Variants in PCDH15 observed in about 807,000 individuals in gnomAD.
The protein encoded by PCDH15 is protocadherin-15.
In PCDH15, 129 loss-of-function variants were observed where a neutral mutation model predicts 178.5. That is an observed-to-expected ratio of 0.72 (90% CI 0.63 to 0.84). The LOEUF is 0.84. Ranked by LOEUF, PCDH15 falls within the 40% of genes least tolerant of loss-of-function variation. The probability of loss-of-function intolerance (pLI) is 0.00; values close to 1 mark genes in which losing one functional copy is unlikely to be tolerated. For synonymous variants in PCDH15, 800 were observed against 732.0 expected, an observed-to-expected ratio of 1.09 and a Z score of -1.50; for missense variants, 2,230 against 2,099.9, an observed-to-expected ratio of 1.06 and a Z score of -1.21.
chr10:54,259,299 G>A (rs539950321), intron 8 of PCDH15, among the ~76,000 whole-genome samples: 68 of 152,278 alleles, frequency 4.5e-4, no homozygotes, highest in African/African-American at 1.6e-3. Flanking sequence ...ACCGGCCCCT[G>A]TCTGGGGTCA....
chr10:53,823,180 G>GAAATGTGAATTTTCTTGCAGACTTCA, intron 32 of PCDH15: 1 of 1,614,026 alleles, frequency 6.2e-7, no homozygotes, highest in Non-Finnish European at 8.5e-7. Flanking sequence ...TCATCAGATA[G>GAAATGTGAATTTTCTTGCAGACTTCA]AAATGTGAAT....
intron 2 of PCDH15, among the ~76,000 whole-genome samples, chr10:54,648,968 T>A (rs895741286): frequency 5.3e-5 from 8 of 152,138 alleles, no homozygotes; most frequent in African/African-American, 9.7e-5. Flanking sequence ...ACAGATCTCA[T>A]CAGTATTCCA....
At chr10:54,740,629 C>T (rs1944667262) in intron 1 of PCDH15, among the ~76,000 whole-genome samples, 1 of 151,876 alleles carries the variant, frequency 6.6e-6, no homozygotes, top group African/African-American at 2.4e-5. Flanking sequence ...AATCTACGTC[C>T]ATCAGCAAAT....
intron 3 of PCDH15, among the ~76,000 whole-genome samples, chr10:54,893,376 G>T (rs1954496826): frequency 6.6e-6 from 1 of 151,966 alleles, no homozygotes; most frequent in Non-Finnish European, 1.5e-5. Flanking sequence ...TTAAGCATTT[G>T]CTAAGTGCCA....
intron 1 of PCDH15, among the ~76,000 whole-genome samples, chr10:55,298,119 A>AT (rs2132274994): frequency 6.6e-6 from 1 of 152,336 alleles, no homozygotes; most frequent in South Asian, 2.1e-4. Flanking sequence ...ATGGGAAAAG[A>AT]TGGCCAGGAA....
At chr10:55,379,121 T>TATATATAA (rs953825079) in intron 2 of PCDH15, among the ~76,000 whole-genome samples, 3 of 151,440 alleles carry the variant, frequency 2.0e-5, no homozygotes, top group African/African-American at 7.3e-5. Context: ...TATATATATA[T>TATATATAA]ATGTATGTAT....
chr10:55,459,116 T>C (rs919383469), intron 2 of PCDH15, among the ~76,000 whole-genome samples: 1 of 150,890 alleles, frequency 6.6e-6, no homozygotes, highest in Non-Finnish European at 1.5e-5. Context: ...TATGGAATGA[T>C]GATACAAGCA....
intron 8 of PCDH15, among the ~76,000 whole-genome samples, chr10:54,273,357 A>T (rs1319481400): frequency 2.1e-5 from 3 of 139,956 alleles, no homozygotes; most frequent in Non-Finnish European, 4.7e-5. Flanking sequence ...TCAAAGAGAA[A>T]AAAGGAAGTA....
intron 17 of PCDH15, among the ~76,000 whole-genome samples, chr10:54,076,808 G>A (rs577486973): frequency 1.3e-5 from 2 of 152,064 alleles, no homozygotes; most frequent in South Asian, 4.2e-4. Flanking sequence ...GGTAGAAAAC[G>A]TGTATTCTCA....
At chr10:54,836,297 G>C (rs1953315067) in intron 3 of PCDH15, among the ~76,000 whole-genome samples, 1 of 152,062 alleles carries the variant, frequency 6.6e-6, no homozygotes, top group Non-Finnish European at 1.5e-5. Flanking sequence ...TTCCTGACTG[G>C]AGTAAAATAA....
At chr10:54,928,377 C>T (rs928231114) in intron 2 of PCDH15, among the ~76,000 whole-genome samples, 4 of 152,082 alleles carry the variant, frequency 2.6e-5, no homozygotes, top group African/African-American at 7.2e-5. Flanking sequence ...ACATTTCTTT[C>T]TTTCATTTCA....
intron 1 of PCDH15, among the ~76,000 whole-genome samples, chr10:55,305,401 G>A (rs973687226): frequency 4.6e-5 from 7 of 152,206 alleles, no homozygotes; most frequent in African/African-American, 1.7e-4. Flanking sequence ...GGGCAGACAG[G>A]GACATCTGAT....
At chr10:54,692,245 C>G (rs1249171973) in intron 1 of PCDH15, among the ~76,000 whole-genome samples, 1 of 152,070 alleles carries the variant, frequency 6.6e-6, no homozygotes, top group Non-Finnish European at 1.5e-5. Flanking sequence ...TCTTACCTGT[C>G]CATCTCAAAT....
chr10:55,411,030 G>C (rs925105341), intron 2 of PCDH15, among the ~76,000 whole-genome samples: 9 of 152,010 alleles, frequency 5.9e-5, no homozygotes, highest in Admixed American at 2.0e-4. Context: ...ATAAAATTGG[G>C]AGTAATGAAG....
intron 2 of PCDH15, among the ~76,000 whole-genome samples, chr10:55,164,080 G>A (rs184744106): frequency 9.9e-5 from 15 of 152,198 alleles, no homozygotes; most frequent in African/African-American, 2.6e-4. Flanking sequence ...TGTTGTCAAC[G>A]GTGAGGCCAC....
intron 3 of PCDH15, among the ~76,000 whole-genome samples, chr10:54,878,215 G>A (rs867352986): frequency 1.1e-4 from 17 of 151,814 alleles, no homozygotes; most frequent in Admixed American, 2.6e-4. Flanking sequence ...CACCTGCCTC[G>A]CCCTCCCAAA....
intron 2 of PCDH15, among the ~76,000 whole-genome samples, chr10:54,909,297 G>A (rs968701069): frequency 1.2e-4 from 18 of 152,114 alleles, no homozygotes; most frequent in Admixed American, 7.9e-4. Flanking sequence ...ATAGCCTCCT[G>A]CCTCTGTTCA....
chr10:55,531,336 G>A (rs182561801), intron 2 of PCDH15, among the ~76,000 whole-genome samples: 19 of 151,936 alleles, frequency 1.3e-4, no homozygotes, highest in Admixed American at 1.1e-3. Flanking sequence ...ACTTGAATTC[G>A]TTAGCTAGGC....
chr10:53,821,903 G>C lies in PCDH15; in HGVS notation c.4368-1673C>G. 1 of 1,613,508 alleles carries C rather than the reference G, an allele frequency of 6.2e-7. No individual in the cohort carries two copies. The highest frequency in any genetic ancestry group is 1.3e-5 in the African/African-American group (1 of 74,988). On this transcript the variant is annotated intron_variant, in intron 32 of 37. Transcript: ENST00000644397. ...TGTGAGATTGTTTTTCAGTTCCCTC[G>C]ACAATATTGTTCAAACTCCCCTTGT...
Sources: allele counts gnomAD v4.1 joint callset (sites outside exome capture counted in the v4.1 genomes callset), GRCh38; gene constraint gnomAD v4.1.1; transcripts MANE v1.5; gene names NCBI Gene and HGNC (gene_info 2026-07-23, HGNC 2026-07-21).